TEX9: variants seen among roughly 807,000 people sequenced by gnomAD.
The protein encoded by TEX9 is testis expressed 9.
Under a neutral mutation model 59.6 loss-of-function variants are expected in TEX9, and 74 were observed. The ratio of observed to expected loss-of-function variants is 1.24; its 90% CI spans 1.03 to 1.51. TEX9 has a LOEUF of 1.51. Ranked by LOEUF, TEX9 falls within the 40% of genes most tolerant of loss-of-function variation. The pLI, the probability that TEX9 is intolerant of heterozygous loss-of-function variation, is 0.00. For missense variants in TEX9, 522 were observed against 447.8 expected (o/e 1.17, Z -1.49); for synonymous variants, 186 against 152.2 (o/e 1.22, Z -1.64).
intron 9 of TEX9, among the ~76,000 whole-genome samples, chr15:56,399,700 C>T (rs2048674288): frequency 3.3e-5 from 5 of 152,206 alleles, no homozygotes; most frequent in Admixed American, 3.3e-4. Context: ...TGTGACACAC[C>T]TCCCAGTAGG....
intron 1 of TEX9, among the ~76,000 whole-genome samples, chr15:56,322,553 T>C (rs538218892): frequency 6.6e-5 from 10 of 152,258 alleles, no homozygotes. Flanking sequence ...TCCTTATCTC[T>C]TGGGCCTTAC....
chr15:56,425,711 C>T (rs1360876705), intron 10 of TEX9, among the ~76,000 whole-genome samples: 4 of 152,078 alleles, frequency 2.6e-5, no homozygotes, highest in African/African-American at 9.7e-5. Context: ...GCCTTTGTTT[C>T]TTTAGGATAC....
Position 56,373,433 on chromosome 15 carries a change from G to T in TEX9, c.120-8G>T. 6.3e-7 allele frequency: 1 copy of T among 1,585,540 alleles called. No individual in the cohort carries two copies. Among genetic ancestry groups the T allele is most frequent in the East Asian group, 2.3e-5 (1 of 42,848 alleles). On this transcript the variant is annotated splice_polypyrimidine_tract_variant and splice_region_variant and intron_variant, in intron 2 of 12. Coordinates refer to ENST00000352903, the Ensembl canonical transcript of TEX9. ...CTTCAGTATATCCCAATTATTTTCT[G>T]CTTTTAGGCGTTTAAATGCAGAATT...
intron 3 of TEX9, among the ~76,000 whole-genome samples, chr15:56,377,399 T>C (rs1409407102): frequency 6.6e-6 from 1 of 152,210 alleles, no homozygotes; most frequent in Non-Finnish European, 1.5e-5. Flanking sequence ...GGAATATCTT[T>C]CCATTTTTTT....
At chr15:56,455,667 G>A in the TEX9 span, among the ~76,000 whole-genome samples, 2 of 152,142 alleles carry the variant, frequency 1.3e-5, no homozygotes, top group Middle Eastern at 3.2e-3. Context: ...ATCTTAGGCA[G>A]GATCAAGAAA....
chr15:56,413,529 C>T (rs1229263436), intron 10 of TEX9, among the ~76,000 whole-genome samples: 2 of 151,080 alleles, frequency 1.3e-5, no homozygotes, highest in Non-Finnish European at 3.0e-5. Context: ...CTGAAACTCT[C>T]TACCAATTAA....
intron 1 of TEX9, among the ~76,000 whole-genome samples, chr15:56,287,026 T>C (rs1411955070): frequency 6.6e-6 from 1 of 152,194 alleles, no homozygotes. Flanking sequence ...TGTTACTTAA[T>C]GTCAGAATGC....
chr15:56,456,512 T>C, the TEX9 span: 2 of 1,609,764 alleles, frequency 1.2e-6, no homozygotes, highest in Non-Finnish European at 1.7e-6. Context: ...AATCTCTTGT[T>C]TTCTTCTGCC....
At chr15:56,261,480 G>C (rs1238639253) in intron 1 of TEX9, among the ~76,000 whole-genome samples, 1 of 152,076 alleles carries the variant, frequency 6.6e-6, no homozygotes, top group Admixed American at 6.5e-5. Flanking sequence ...CACTTTGAGA[G>C]GTCAAGGCAG....
At chr15:56,360,195 T>C (rs1254696593) in intron 1 of TEX9, among the ~76,000 whole-genome samples, 1 of 152,206 alleles carries the variant, frequency 6.6e-6, no homozygotes, top group African/African-American at 2.4e-5. Flanking sequence ...GTAGTTTTCC[T>C]ATAATGTCTT....
chr15:56,363,262 T>A (rs74989678), upstream of TEX9, among the ~76,000 whole-genome samples: 1,172 of 150,786 alleles, frequency 7.8e-3, 13 homozygotes, highest in African/African-American at 0.027. Flanking sequence ...CACGTTATTG[T>A]CCATCCTTTT....
At chr15:56,245,011 G>T (rs574020204) in intron 1 of TEX9, among the ~76,000 whole-genome samples, 1 of 152,266 alleles carries the variant, frequency 6.6e-6, no homozygotes, top group East Asian at 1.9e-4. Context: ...TTGGGCCCGT[G>T]GGTGTTATGA....
intron 1 of TEX9, among the ~76,000 whole-genome samples, chr15:56,353,731 GC>G (rs2046629673): frequency 6.6e-6 from 1 of 152,180 alleles, no homozygotes; most frequent in Admixed American, 6.5e-5. Context: ...TTAGGCCTAA[GC>G]CTTAGATTTT....
chr15:56,311,260 A>G (rs1426205412), intron 1 of TEX9, among the ~76,000 whole-genome samples: 2 of 136,358 alleles, frequency 1.5e-5, no homozygotes, highest in Non-Finnish European at 3.2e-5. Context: ...GTCATCTAGC[A>G]TTAGGTATAT....
At chr15:56,320,607 A>C (rs1264756163) in intron 1 of TEX9, among the ~76,000 whole-genome samples, 1 of 152,214 alleles carries the variant, frequency 6.6e-6, no homozygotes, top group Non-Finnish European at 1.5e-5. Context: ...ATCAGGGTCC[A>C]ATCCCTGTGA....
At chr15:56,263,163 A>G (rs1184396677) in intron 1 of TEX9, among the ~76,000 whole-genome samples, 1 of 152,104 alleles carries the variant, frequency 6.6e-6, no homozygotes, top group Non-Finnish European at 1.5e-5. Flanking sequence ...AGCTGGGATT[A>G]CAGTCATTTG....
chr15:56,348,627 G>T (rs1242675305), intron 1 of TEX9, among the ~76,000 whole-genome samples: 1 of 152,048 alleles, frequency 6.6e-6, no homozygotes, highest in African/African-American at 2.4e-5. Context: ...CTGTTGCCAT[G>T]TATAAATTAT....
chr15:56,342,493 A>G (rs1428706861), intron 1 of TEX9, among the ~76,000 whole-genome samples: 1 of 152,188 alleles, frequency 6.6e-6, no homozygotes, highest in Non-Finnish European at 1.5e-5. Context: ...AAGAGCAAAC[A>G]TTATGGTTCA....
chr15:56,460,005 A>T, the TEX9 span, among the ~76,000 whole-genome samples: 211 of 30,420 alleles, frequency 6.9e-3, 11 homozygotes, highest in African/African-American at 0.02. Flanking sequence ...AAAAAAAAAA[A>T]AAAAATACAT....
Sources: gnomAD v4.1 joint callset for allele counts (sites outside exome capture counted in the v4.1 genomes callset) on GRCh38, gnomAD v4.1.1 for gene constraint, MANE v1.5 for transcripts, NCBI Gene and HGNC (gene_info 2026-07-23, HGNC 2026-07-21) for gene names.